Variants in EXOC6B observed in about 807,000 individuals in gnomAD.
EXOC6B encodes the protein SEC15 homolog B.
In EXOC6B, 54 loss-of-function variants were observed where a neutral mutation model predicts 113.5. The observed-to-expected ratio is 0.48, with a 90% CI of 0.38 to 0.60. EXOC6B has a LOEUF of 0.60. EXOC6B is among the 20% of genes least tolerant of loss of function. The pLI, the probability that EXOC6B is intolerant of heterozygous loss-of-function variation, is 0.00. For missense variants in EXOC6B, 797 were observed against 977.5 expected (o/e 0.82, Z 2.46); for synonymous variants, 357 against 339.0 (o/e 1.05, Z -0.58).
intron 1 of EXOC6B, among the ~76,000 whole-genome samples, chr2:72,789,413 A>G (rs1451967092): frequency 6.6e-6 from 1 of 152,200 alleles, no homozygotes; most frequent in Non-Finnish European, 1.5e-5. Context: ...TAAGATGGGC[A>G]TGTTTGGTGG....
At chr2:72,783,318 C>CTTTTTTTTTTTTTTTTTTT (rs70963146) in intron 1 of EXOC6B, among the ~76,000 whole-genome samples, 1 of 60,412 alleles carries the variant, frequency 1.7e-5, no homozygotes, top group Non-Finnish European at 2.8e-5. Context: ...TTTTTCTTTT[C>CTTTTTTTTTTTTTTTTTTT]TTTTTTTTTT....
chr2:72,299,975 T>C lies in EXOC6B; in HGVS notation c.2196+34972A>G, dbSNP rs144188410. Among the ~76,000 whole-genome samples, 1,004 of 152,210 alleles carry C rather than the reference T, an allele frequency of 6.6e-3. 13 individuals carry two copies. Among genetic ancestry groups the C allele is most frequent in the African/African-American group, 0.022 (912 of 41,550 alleles). ...GTCTGTTGGCCCCTAGTGGGAGGTGTCTCCCAGTCAGGATACATGGGGGTC... is the reference window on the plus strand; with the variant it reads ...GTCTGTTGGCCCCTAGTGGGAGGTGCCTCCCAGTCAGGATACATGGGGGTC... On this transcript the variant is annotated intron_variant, in intron 20 of 21. Coordinates refer to ENST00000272427, the MANE Select transcript of EXOC6B (RefSeq NM_015189.3).
intron 18 of EXOC6B, among the ~76,000 whole-genome samples, chr2:72,432,213 T>C (rs1226089230): frequency 6.6e-6 from 1 of 151,960 alleles, no homozygotes; most frequent in African/African-American, 2.4e-5. Flanking sequence ...ATTTTTTGTA[T>C]TTAGTAGAGA....
At position 72,177,811 on chromosome 2, in the gene EXOC6B, A is replaced by G. The variant is rs1572946540; in HGVS notation, c.*1524T>C. ...GTTTGATGAGTCTCTCCTCCCATCAATCCAAGCTGGAAATGCCTGTGTGGC... is the reference window on the plus strand; with the variant it reads ...GTTTGATGAGTCTCTCCTCCCATCAGTCCAAGCTGGAAATGCCTGTGTGGC... On this transcript the variant is annotated 3_prime_UTR_variant, in exon 22 of 22. Coordinates refer to ENST00000272427, the MANE Select transcript of EXOC6B (RefSeq NM_015189.3). 6.6e-6 allele frequency: 1 copy of G among 152,168 alleles called. No individual in the cohort carries two copies. The highest frequency in any genetic ancestry group is 2.4e-5 in the African/African-American group (1 of 41,412). The allele number at this position is 152,168 out of a possible 1,614,324, so 9.4% of individuals were successfully genotyped here. A position where few individuals can be genotyped will look rare whatever the true frequency, so the allele number is the denominator to read the frequency against.
intron 8 of EXOC6B, among the ~76,000 whole-genome samples, chr2:72,522,668 T>A (rs1015998951): frequency 6.6e-6 from 1 of 152,232 alleles, no homozygotes; most frequent in Non-Finnish European, 1.5e-5. Context: ...TTAAGCAAGA[T>A]GACATCTTTC....
intron 17 of EXOC6B, among the ~76,000 whole-genome samples, chr2:72,470,565 T>C (rs1352817328): frequency 2.6e-5 from 4 of 152,172 alleles, no homozygotes; most frequent in East Asian, 1.9e-4. Flanking sequence ...GTGCTGCACC[T>C]ATTAACTCGT....
At chr2:72,279,334 A>C (rs1684987014) in intron 20 of EXOC6B, among the ~76,000 whole-genome samples, 1 of 152,122 alleles carries the variant, frequency 6.6e-6, no homozygotes. Context: ...ACAAAATCAC[A>C]CTTTAGTTTC....
intron 19 of EXOC6B, among the ~76,000 whole-genome samples, chr2:72,355,138 T>C (rs1306870956): frequency 2.0e-5 from 3 of 152,212 alleles, no homozygotes; most frequent in Non-Finnish European, 4.4e-5. Context: ...ATATAAAATA[T>C]CTGCAGTGTG....
chr2:72,825,995 T>TCCACAGCCG lies in EXOC6B; in HGVS notation c.-94_-86dup. The TCCACAGCCG allele has an allele frequency of 6.5e-7, 1 of 1,528,916 alleles. No homozygotes were observed. The highest frequency in any genetic ancestry group is 1.2e-5 in the South Asian group (1 of 82,634). 94.7% of individuals were successfully genotyped at this position (1,528,916 alleles called of 1,614,324 possible). A position where few individuals can be genotyped will look rare whatever the true frequency, so the allele number is the denominator to read the frequency against. ...CCACAATGCCGCTCCCACCACAGGC[T>TCCACAGCCG]CCACAGCCGCCCCAGCCTCTGGCTA... On this transcript the variant is annotated 5_prime_UTR_variant, in exon 1 of 22. Transcript: ENST00000272427. This position sits in a 1 kb window ranked among gnomAD's most constrained non-coding sequence, Gnocchi z 4.4.
intron 19 of EXOC6B, among the ~76,000 whole-genome samples, chr2:72,365,533 A>G (rs1329614161): frequency 6.6e-6 from 1 of 152,184 alleles, no homozygotes; most frequent in Non-Finnish European, 1.5e-5. Context: ...GAGAACTGAA[A>G]CAGAACATGG....
At chr2:72,592,732 CAG>C (rs1475929327) in intron 6 of EXOC6B, among the ~76,000 whole-genome samples, 1 of 152,158 alleles carries the variant, frequency 6.6e-6, no homozygotes, top group East Asian at 1.9e-4. Flanking sequence ...TCCTAAGTGA[CAG>C]AGGTGATGCG....
At chr2:72,498,594 GT>G (rs761235445) in intron 12 of EXOC6B, 43 bp from the exon 13 acceptor site, 84 of 965,764 alleles carry the variant, frequency 8.7e-5, no homozygotes, top group East Asian at 4.2e-4. Context: ...TAAGGAAGGA[GT>G]TTTTTTTTCG....
chr2:72,445,819 A>C (rs977446082), intron 18 of EXOC6B, among the ~76,000 whole-genome samples: 7 of 152,220 alleles, frequency 4.6e-5, no homozygotes, highest in Non-Finnish European at 8.8e-5. Flanking sequence ...CAACCCCATT[A>C]AGAAGTGAGC....
intron 20 of EXOC6B, among the ~76,000 whole-genome samples, chr2:72,301,191 A>C (rs1686504495): frequency 1.3e-5 from 2 of 152,208 alleles, no homozygotes; most frequent in Admixed American, 6.5e-5. Flanking sequence ...TCAGGGATAA[A>C]GCCTACTTGA....
At chr2:72,704,657 T>C (rs1404695375) in intron 6 of EXOC6B, among the ~76,000 whole-genome samples, 1 of 151,912 alleles carries the variant, frequency 6.6e-6, no homozygotes, top group Non-Finnish European at 1.5e-5. Flanking sequence ...TCACCAACGA[T>C]CCCACAGAAA....
intron 8 of EXOC6B, among the ~76,000 whole-genome samples, chr2:72,530,724 G>A (rs556145462): frequency 6.6e-6 from 1 of 151,944 alleles, no homozygotes; most frequent in African/African-American, 2.4e-5. Context: ...CGTTTTATTA[G>A]TTTTTACTTC....
At chr2:72,355,342 A>G (rs529029714) in intron 19 of EXOC6B, among the ~76,000 whole-genome samples, 4 of 152,212 alleles carry the variant, frequency 2.6e-5, no homozygotes, top group Non-Finnish European at 4.4e-5. Context: ...GAAAAAAAGG[A>G]AACCAAATGA....
intron 13 of EXOC6B, 109 bp downstream of exon 13, chr2:72,498,345 G>A (rs530884217): frequency 3.1e-5 from 20 of 654,838 alleles, no homozygotes; most frequent in East Asian, 1.8e-4. Context: ...CAAAATATAA[G>A]TAACATATAC....
intron 20 of EXOC6B, among the ~76,000 whole-genome samples, chr2:72,296,152 C>T (rs2104733718): frequency 6.6e-6 from 1 of 152,094 alleles, no homozygotes; most frequent in Non-Finnish European, 1.5e-5. Flanking sequence ...AATAAATTAG[C>T]ATATAATCCT....
Sources: gnomAD v4.1 joint callset for allele counts (sites outside exome capture counted in the v4.1 genomes callset) on GRCh38, gnomAD v4.1.1 for gene constraint, Gnocchi (gnomAD v3.1) non-coding constraint, MANE v1.5 for transcripts, NCBI Gene and HGNC (gene_info 2026-07-23, HGNC 2026-07-21) for gene names.